The following TMEM132B variants were observed in gnomAD, a reference collection of about 807,000 sequenced individuals.
TMEM132B encodes the protein transmembrane protein 132B.
TMEM132B carries 18 observed loss-of-function variants against 90.8 expected under a neutral mutation model. The observed-to-expected ratio is 0.20, with a 90% CI of 0.14 to 0.29. The LOEUF (loss-of-function observed/expected upper bound fraction) is 0.29, where lower values mean the gene tolerates loss of function less well. Among genes scored for constraint, TMEM132B ranks in the 10% least tolerant of loss-of-function variants. TMEM132B has a pLI of 1.00. For synonymous variants in TMEM132B, 504 were observed against 523.3 expected, an observed-to-expected ratio of 0.96 and a Z score of 0.50; for missense variants, 1,096 against 1,326.8, an observed-to-expected ratio of 0.83 and a Z score of 2.70.
chr12:125,340,454 A>G (rs542602926), intron 1 of TMEM132B, among the ~76,000 whole-genome samples: 1 of 152,182 alleles, frequency 6.6e-6, no homozygotes, highest in Admixed American at 6.5e-5. Context: ...ATACCCATGC[A>G]CAGAAAGCAA....
At chr12:125,264,520 G>A (rs899666056) in intron 1 of TMEM132B, among the ~76,000 whole-genome samples, 5 of 152,176 alleles carry the variant, frequency 3.3e-5, no homozygotes, top group African/African-American at 1.2e-4. Flanking sequence ...GATAGGGCCT[G>A]GGGCCCAGTT....
chr12:125,326,624 A>C, intron 1 of TMEM132B: 2 of 1,606,996 alleles, frequency 1.2e-6, no homozygotes, highest in South Asian at 2.3e-5. Flanking sequence ...TCTACGGGAA[A>C]TGTTTGGTGC....
intron 5 of TMEM132B, among the ~76,000 whole-genome samples, chr12:125,624,571 T>C (rs762179358): frequency 4.6e-5 from 7 of 152,316 alleles, no homozygotes; most frequent in African/African-American, 1.4e-4. Flanking sequence ...CGTGGACTTA[T>C]TGTCCTCGAG....
intron 1 of TMEM132B, among the ~76,000 whole-genome samples, chr12:125,298,057 A>G (rs914690038): frequency 6.6e-6 from 1 of 152,172 alleles, no homozygotes; most frequent in Non-Finnish European, 1.5e-5. Context: ...GTTCGAGACC[A>G]GTCTGGGCAA....
intron 1 of TMEM132B, among the ~76,000 whole-genome samples, chr12:125,231,092 G>A (rs12578262): frequency 2.2e-4 from 33 of 152,276 alleles, no homozygotes; most frequent in Middle Eastern, 3.4e-3. Flanking sequence ...GGAGGCTCTA[G>A]GGGAGGCTCC....
In TMEM132B at chr12:125,602,904, A is replaced by C. The variant is rs7976835; in HGVS notation, c.1437+18910A>C. On this transcript the variant is annotated intron_variant, in intron 5 of 8. Transcript: ENST00000682704. ...AAAATACATAGGAATACAGCTGAAA[A>C]GGGATATGAAGGACCTCTTCAAGGA... Among the ~76,000 whole-genome samples the C allele has an allele frequency of 3.7e-3, 559 of 152,326 alleles. 3 individuals are homozygous for C. The highest frequency in any genetic ancestry group is 0.013 in the African/African-American group (522 of 41,578).
At chr12:125,253,131 C>T (rs376043482) in intron 1 of TMEM132B, among the ~76,000 whole-genome samples, 3 of 152,128 alleles carry the variant, frequency 2.0e-5, no homozygotes, top group Non-Finnish European at 2.9e-5. Context: ...ATGACCCCCT[C>T]GTGGAGGCTG....
intron 1 of TMEM132B, among the ~76,000 whole-genome samples, chr12:125,299,186 C>T (rs1247164007): frequency 6.6e-6 from 1 of 152,166 alleles, no homozygotes; most frequent in African/African-American, 2.4e-5. Flanking sequence ...CTCTCTTGAA[C>T]CCGCTTTTAT....
At chr12:125,514,397 TC>T (rs1344325506) in intron 3 of TMEM132B, among the ~76,000 whole-genome samples, 3 of 152,296 alleles carry the variant, frequency 2.0e-5, no homozygotes, top group African/African-American at 7.2e-5. Flanking sequence ...GGTCCCCGTC[TC>T]CCATTGTATC....
At position 125,662,004 on chromosome 12, in the gene TMEM132B, C is replaced by G. The variant is rs117166732; in HGVS notation, c.*7294C>G. 2,721 of 152,340 alleles carry G rather than the reference C, an allele frequency of 0.018. 34 individuals carry two copies. Among genetic ancestry groups the G allele is most frequent in the Non-Finnish European group, 0.025 (1,722 of 68,072 alleles). The allele number at this position is 152,340 out of a possible 1,614,324, so 9.4% of individuals were successfully genotyped here. A position where few individuals can be genotyped will look rare whatever the true frequency, so the allele number is the denominator to read the frequency against. On this transcript the variant is annotated 3_prime_UTR_variant, in exon 9 of 9. Transcript: ENST00000682704. ...TCAGACTCTTCTCAGGCAGGTGGAC[C>G]GGATCTCAGCTGCAGAACATAGTGA... is the stretch of plus-strand genomic sequence containing the variant.
intron 4 of TMEM132B, among the ~76,000 whole-genome samples, chr12:125,549,775 A>G (rs1360997170): frequency 1.3e-5 from 2 of 152,298 alleles, no homozygotes; most frequent in South Asian, 2.1e-4. Context: ...CCTTTCAAGT[A>G]TGTTAGTTGT....
chr12:125,627,070 A>G (rs1268639926), intron 5 of TMEM132B, among the ~76,000 whole-genome samples: 5 of 152,136 alleles, frequency 3.3e-5, no homozygotes, highest in Admixed American at 3.3e-4. Context: ...GGCTCTGCCT[A>G]ATCTACTGAT....
intron 1 of TMEM132B, among the ~76,000 whole-genome samples, chr12:125,196,538 T>C (rs1348463146): frequency 6.6e-6 from 1 of 152,146 alleles, no homozygotes; most frequent in East Asian, 1.9e-4. Context: ...CGAAACCCCA[T>C]CGCTACTGAA....
At chr12:125,444,582 G>T (rs1880953776) in intron 3 of TMEM132B, among the ~76,000 whole-genome samples, 1 of 152,120 alleles carries the variant, frequency 6.6e-6, no homozygotes, top group Non-Finnish European at 1.5e-5. Flanking sequence ...AGAAGTGATG[G>T]TACTGGGTAT....
chr12:125,217,036 A>G (rs1329081227), intron 1 of TMEM132B, among the ~76,000 whole-genome samples: 1 of 152,262 alleles, frequency 6.6e-6, no homozygotes, highest in Non-Finnish European at 1.5e-5. Flanking sequence ...TCAACTTGCC[A>G]GTCTGATTGG....
intron 4 of TMEM132B, among the ~76,000 whole-genome samples, chr12:125,560,709 C>T (rs1476429843): frequency 2.6e-5 from 4 of 151,734 alleles, no homozygotes; most frequent in African/African-American, 4.8e-5. Context: ...CCTGTAGTCC[C>T]AGCTACTCGG....
intron 1 of TMEM132B, among the ~76,000 whole-genome samples, chr12:125,244,547 T>G (rs1874165594): frequency 6.6e-6 from 1 of 152,154 alleles, no homozygotes; most frequent in Non-Finnish European, 1.5e-5. Context: ...CAACACCTCC[T>G]CTCGGCCACT....
chr12:125,315,597 C>T (rs777705645), intron 1 of TMEM132B, among the ~76,000 whole-genome samples: 5 of 152,160 alleles, frequency 3.3e-5, no homozygotes, highest in African/African-American at 1.2e-4. Flanking sequence ...GCCCCGATGC[C>T]GTGGGTACCA....
chr12:125,613,638 C>G (rs758566133), intron 5 of TMEM132B, among the ~76,000 whole-genome samples: 49 of 151,956 alleles, frequency 3.2e-4, no homozygotes, highest in Non-Finnish European at 5.3e-4. Context: ...GATTTTATAA[C>G]TTAAGTCCAG....
Sources: gnomAD v4.1 joint callset for allele counts (sites outside exome capture counted in the v4.1 genomes callset) on GRCh38, gnomAD v4.1.1 for gene constraint, MANE v1.5 for transcripts, NCBI Gene and HGNC (gene_info 2026-07-23, HGNC 2026-07-21) for gene names.